Variants in PREX2 observed in about 807,000 individuals in gnomAD.
PREX2 encodes phosphatidylinositol 3,4,5-trisphosphate-dependent Rac exchanger 2 protein.
In PREX2, 107 loss-of-function variants were observed where a neutral mutation model predicts 203.2. The ratio of observed to expected loss-of-function variants is 0.53; its 90% CI spans 0.45 to 0.62. The LOEUF (loss-of-function observed/expected upper bound fraction) is 0.62. PREX2 is among the 20% of genes least tolerant of loss of function. PREX2 has a pLI of 0.00. For synonymous variants in PREX2, 672 were observed against 663.6 expected (o/e 1.01, Z -0.19); for missense variants, 1,777 against 1,955.9 (o/e 0.91, Z 1.72).
chr8:68,021,664 C>T (rs754754118), intron 3 of PREX2, among the ~76,000 whole-genome samples: 17 of 152,192 alleles, frequency 1.1e-4, no homozygotes, highest in Non-Finnish European at 2.4e-4. Flanking sequence ...GATCTTTCTT[C>T]TACATACATT....
intron 1 of PREX2, among the ~76,000 whole-genome samples, chr8:68,017,577 T>C (rs1015979134): frequency 6.6e-6 from 1 of 152,206 alleles, no homozygotes; most frequent in Non-Finnish European, 1.5e-5. Context: ...CTCTAAATGC[T>C]TACTTCACAA....
At chr8:68,047,510 CATACATAT>C (rs1183914158) in intron 8 of PREX2, among the ~76,000 whole-genome samples, 7 of 74,584 alleles carry the variant, frequency 9.4e-5, no homozygotes, top group African/African-American at 2.1e-4. Flanking sequence ...TATATATACA[CATACATAT>C]ATATATATGT....
At chr8:68,129,772 G>A (rs16934197) in intron 31 of PREX2, among the ~76,000 whole-genome samples, 21,503 of 151,686 alleles carry the variant, frequency 0.14, 2,029 homozygotes, top group African/African-American at 0.25. Context: ...AAATGAAACC[G>A]AAGCCTTTGA....
intron 1 of PREX2, among the ~76,000 whole-genome samples, chr8:68,010,310 A>G (rs1421770083): frequency 1.3e-5 from 2 of 152,192 alleles, no homozygotes; most frequent in African/African-American, 4.8e-5. Context: ...CTTGAATTAT[A>G]ATACTTGTTC....
At position 68,099,813 on chromosome 8, in the gene PREX2, C is replaced by T. The variant is rs994164623; in HGVS notation, c.2685C>T (p.His895=). Residue 895 remains histidine, a synonymous_variant, in exon 23 of 40, where the codon CAC becomes CAT. Coordinates refer to ENST00000288368, the MANE Select transcript of PREX2 (RefSeq NM_024870.4). ...FSALCSERIE[H]LCQRISSYKK... is the part of the protein sequence containing the mutation. ...CCCTTTGCAGTGAAAGAATTGAACACCTATGTCAGAGAATATCCAGTTATA... is the reference window on the plus strand; with the variant it reads ...CCCTTTGCAGTGAAAGAATTGAACATCTATGTCAGAGAATATCCAGTTATA... The T allele has an allele frequency of 6.2e-7, 1 of 1,611,688 alleles. No homozygotes were observed. The highest frequency in any genetic ancestry group is 8.5e-7 in the Non-Finnish European group (1 of 1,177,938).
At chr8:67,981,693 C>A (rs62520679) in intron 1 of PREX2, among the ~76,000 whole-genome samples, 33,690 of 152,152 alleles carry the variant, frequency 0.22, 4,814 homozygotes, top group East Asian at 0.54. Flanking sequence ...ACTTTAACAC[C>A]ACTAGAAGAC....
chr8:68,225,354 A>G (rs903933301), intron 39 of PREX2, among the ~76,000 whole-genome samples: 2 of 152,220 alleles, frequency 1.3e-5, no homozygotes, highest in Non-Finnish European at 2.9e-5. Flanking sequence ...AAATAAATGA[A>G]CATAAATAAT....
intron 37 of PREX2, among the ~76,000 whole-genome samples, chr8:68,214,693 G>A (rs973142635): frequency 6.6e-6 from 1 of 152,164 alleles, no homozygotes; most frequent in Non-Finnish European, 1.5e-5. Context: ...AAGATGAAAA[G>A]CTATGGGGCA....
intron 5 of PREX2, among the ~76,000 whole-genome samples, chr8:68,029,128 T>C (rs1807810097): frequency 6.6e-6 from 1 of 152,126 alleles, no homozygotes; most frequent in African/African-American, 2.4e-5. Flanking sequence ...AGATATTATA[T>C]GGATTAGGTT....
chr8:68,170,023 A>G (rs1038677682), intron 35 of PREX2, among the ~76,000 whole-genome samples: 1 of 152,224 alleles, frequency 6.6e-6, no homozygotes, highest in Non-Finnish European at 1.5e-5. Flanking sequence ...TGACTTAAAT[A>G]CTAGGTGATA....
At chr8:68,065,361 T>C (rs1466985651) in intron 11 of PREX2, among the ~76,000 whole-genome samples, 1 of 152,216 alleles carries the variant, frequency 6.6e-6, no homozygotes, top group Non-Finnish European at 1.5e-5. Flanking sequence ...TTAAAACAAG[T>C]TGTAGAGTTT....
chr8:68,212,819 G>A (rs1812765191), intron 37 of PREX2, among the ~76,000 whole-genome samples: 1 of 151,780 alleles, frequency 6.6e-6, no homozygotes, highest in African/African-American at 2.4e-5. Context: ...TATTACTAAT[G>A]TCTTATACAT....
At chr8:68,009,454 G>A (rs1209063311) in intron 1 of PREX2, among the ~76,000 whole-genome samples, 1 of 152,064 alleles carries the variant, frequency 6.6e-6, no homozygotes, top group South Asian at 2.1e-4. Context: ...ATAGTCTACT[G>A]GCATCTCTAT....
chr8:68,120,726 GT>G (rs1471623689), intron 29 of PREX2, among the ~76,000 whole-genome samples, 194 bp from the exon 30 acceptor site: 1 of 152,024 alleles, frequency 6.6e-6, no homozygotes, highest in African/African-American at 2.4e-5. Flanking sequence ...AATTTGCTTC[GT>G]TTAAACATTT....
chr8:67,976,415 AGGAGAGAGACAGAGAGAGAGATG>A (rs1445435664), intron 1 of PREX2, among the ~76,000 whole-genome samples: 1 of 140,168 alleles, frequency 7.1e-6, no homozygotes, highest in Non-Finnish European at 1.6e-5. Flanking sequence ...AGAGAGAGAC[AGGAGAGAGACAGAGAGAGAGATG>A]GGAGAGAGAC....
chr8:67,960,021 CCTTTT>C (rs781313334), intron 1 of PREX2, among the ~76,000 whole-genome samples: 13 of 151,018 alleles, frequency 8.6e-5, no homozygotes, highest in African/African-American at 3.1e-4. Flanking sequence ...AGTGTTTCTT[CCTTTT>C]CTTTTCTTTT....
intron 35 of PREX2, among the ~76,000 whole-genome samples, chr8:68,179,428 T>C (rs778507092): frequency 1.3e-5 from 2 of 152,118 alleles, no homozygotes; most frequent in Non-Finnish European, 2.9e-5. Context: ...GAAATTGAGC[T>C]GAGAGCAGAT....
Position 68,017,907 on chromosome 8 carries a change from A to G in PREX2, c.203A>G (p.Glu68Gly), listed in dbSNP as rs774177545. 8 of 1,611,916 alleles carry G rather than the reference A, an allele frequency of 5.0e-6. No individual in the cohort carries two copies. The highest frequency in any genetic ancestry group is 6.8e-6 in the Non-Finnish European group (8 of 1,178,654). The change falls in exon 2 of 40, where the codon GAA becomes GGA. Residue 68 changes from glutamate (E) to glycine (G), a missense_variant. Transcript: ENST00000288368. ...AAAGTTGACAAAAATGTGACAGAAG[A>G]AACAGTGAAGGTGAGGAGGTACAAC... Reference protein sequence around the residue: ...ASKVDKNVTEETVKMLFSNIE... With the variant: ...ASKVDKNVTEGTVKMLFSNIE...
rs116300964 is a variant in PREX2, at chr8:67,964,798, C to T, written c.141+12263C>T. Reference sequence around the variant, plus strand: ...TAGGCACTGCATATTCATTAACTCACGACTTAGAACTATCTTCAAGCCTCG... The same window carrying T: ...TAGGCACTGCATATTCATTAACTCATGACTTAGAACTATCTTCAAGCCTCG... On this transcript the variant is annotated intron_variant, in intron 1 of 39. Coordinates refer to ENST00000288368, the MANE Select transcript of PREX2 (RefSeq NM_024870.4). 8.7e-3 allele frequency among the ~76,000 whole-genome samples: 1,320 copies of T among 152,250 alleles called. 21 individuals are homozygous for T. The highest frequency in any genetic ancestry group is 0.03 in the African/African-American group (1,250 of 41,546).
Sources: gnomAD v4.1 joint callset for allele counts (sites outside exome capture counted in the v4.1 genomes callset) on GRCh38, gnomAD v4.1.1 for gene constraint, MANE v1.5 for transcripts, NCBI Gene and HGNC (gene_info 2026-07-23, HGNC 2026-07-21) for gene names.